Variants in ICA1 observed in about 807,000 individuals in gnomAD.
ICA1 encodes the protein 69 kDa islet cell autoantigen.
ICA1 carries 40 observed loss-of-function variants against 71.0 expected under a neutral mutation model. That is an observed-to-expected ratio of 0.56 (90% CI 0.44 to 0.73). ICA1 has a LOEUF of 0.73. ICA1 is among the 30% of genes least tolerant of loss of function. The probability of loss-of-function intolerance (pLI) is 0.00; values close to 1 mark genes in which losing one functional copy is unlikely to be tolerated. For missense variants in ICA1, 578 were observed against 576.5 expected (o/e 1.00, Z -0.03); for synonymous variants, 207 against 209.5 (o/e 0.99, Z 0.10).
intron 2 of ICA1, among the ~76,000 whole-genome samples, chr7:8,235,547 A>G (rs1381692735): frequency 1.3e-5 from 2 of 152,204 alleles, no homozygotes; most frequent in Non-Finnish European, 2.9e-5. Context: ...TAGCTACCCT[A>G]ACATAAAATT....
chr7:8,170,484 T>A (rs549657343), intron 6 of ICA1, among the ~76,000 whole-genome samples: 1 of 152,014 alleles, frequency 6.6e-6, no homozygotes. Flanking sequence ...TCTCCATTTA[T>A]TGGATTTTTA....
chr7:8,256,315 C>G (rs1478881753), intron 1 of ICA1, among the ~76,000 whole-genome samples: 1 of 152,090 alleles, frequency 6.6e-6, no homozygotes, highest in Non-Finnish European at 1.5e-5. Flanking sequence ...AGAGAAATTC[C>G]AAACATTTTT....
At chr7:8,141,845 C>T (rs770296145) in intron 9 of ICA1, 28 bp from the exon 10 acceptor site, 12 of 1,468,470 alleles carry the variant, frequency 8.2e-6, no homozygotes, top group Non-Finnish European at 1.0e-5. Context: ...GTTTAGTCAT[C>T]AACTTCTACC....
At chr7:8,134,106 C>G (rs1160501212) in intron 12 of ICA1, among the ~76,000 whole-genome samples, 1 of 152,138 alleles carries the variant, frequency 6.6e-6, no homozygotes, top group African/African-American at 2.4e-5. Context: ...TTGAGGGTTT[C>G]TAAGGTCAGA....
intron 1 of ICA1, among the ~76,000 whole-genome samples, chr7:8,252,739 G>A (rs956893149): frequency 6.0e-5 from 9 of 150,284 alleles, no homozygotes; most frequent in African/African-American, 2.2e-4. Flanking sequence ...ATTTACATAT[G>A]TATATTATAT....
At chr7:8,115,964 C>T (rs573475886) in intron 13 of ICA1, among the ~76,000 whole-genome samples, 2 of 152,302 alleles carry the variant, frequency 1.3e-5, no homozygotes, top group Non-Finnish European at 2.9e-5. Context: ...CTTGGTATTT[C>T]CAACCAAACT....
At chr7:8,207,800 G>A (rs1792136805) in intron 6 of ICA1, among the ~76,000 whole-genome samples, 1 of 151,946 alleles carries the variant, frequency 6.6e-6, no homozygotes, top group African/African-American at 2.4e-5. Context: ...ATCTTTTTTT[G>A]CTATTTTAAA....
rs1583577282 is a variant in ICA1 at position 8,234,780 on chromosome 7, C to T, written c.17+1130G>A. ...ATAAAACTTATGTAAAAGATAATCT[C>T]TCTATAGAATATGCACATTAAAAGG... On this transcript the variant is annotated intron_variant, in intron 2 of 13. Coordinates refer to ENST00000402384, the MANE Select transcript of ICA1 (RefSeq NM_001136020.3). The surrounding 1 kb of genome is among the most constrained non-coding windows in gnomAD (Gnocchi z 4.5). Among the ~76,000 whole-genome samples the T allele has an allele frequency of 6.6e-6, 1 of 152,148 alleles. No homozygotes were observed. The highest frequency in any genetic ancestry group is 2.4e-5 in the African/African-American group (1 of 41,436).
chr7:8,141,067 T>A (rs577240023), intron 10 of ICA1, among the ~76,000 whole-genome samples: 9 of 152,290 alleles, frequency 5.9e-5, no homozygotes, highest in African/African-American at 1.9e-4. Context: ...GGAGCTTGAG[T>A]GCCAGTGAAG....
chr7:8,145,764 A>ATATGTATATATATG (rs1554288696), intron 8 of ICA1, among the ~76,000 whole-genome samples: 6 of 136,312 alleles, frequency 4.4e-5, no homozygotes, highest in African/African-American at 1.6e-4. Flanking sequence ...ATATATATAT[A>ATATGTATATATATG]TATGTATATA....
At chr7:8,160,911 A>T (rs1225946529) in intron 6 of ICA1, among the ~76,000 whole-genome samples, 2 of 152,188 alleles carry the variant, frequency 1.3e-5, no homozygotes, top group Non-Finnish European at 2.9e-5. Flanking sequence ...GAAAAAAGAA[A>T]ACCTAATTTC....
At position 8,181,501 on chromosome 7, in the gene ICA1, C is replaced by G. The variant is rs570251846; in HGVS notation, c.580-22849G>C. ...CTATATAAGTTTATAGTCATCTTTACTACTTACTAGCAGGATTTTGAATGG... is the reference window on the plus strand; with the variant it reads ...CTATATAAGTTTATAGTCATCTTTAGTACTTACTAGCAGGATTTTGAATGG... On this transcript the variant is annotated intron_variant, in intron 6 of 13. Coordinates refer to ENST00000402384, the MANE Select transcript of ICA1 (RefSeq NM_001136020.3). Among the ~76,000 whole-genome samples, 9 of 152,256 alleles carry G rather than the reference C, an allele frequency of 5.9e-5. No individual in the cohort carries two copies. In the South Asian group the frequency reaches 1.4e-3, roughly 25 times the overall value.
intron 7 of ICA1, chr7:8,158,262 G>A (rs541344254): frequency 2.3e-4 from 98 of 423,914 alleles, no homozygotes; most frequent in African/African-American, 1.6e-3. Flanking sequence ...GGAAAGGCAC[G>A]GATGGAGGAG....
At chr7:8,186,198 A>G (rs778043441) in intron 6 of ICA1, among the ~76,000 whole-genome samples, 1 of 152,206 alleles carries the variant, frequency 6.6e-6, no homozygotes, top group African/African-American at 2.4e-5. Context: ...ATCCTGGGAT[A>G]CATGGTTTGG....
At chr7:8,142,646 C>T (rs577131354) in intron 9 of ICA1, among the ~76,000 whole-genome samples, 11 of 152,314 alleles carry the variant, frequency 7.2e-5, no homozygotes, top group South Asian at 2.1e-4. Context: ...CTTAACCTTC[C>T]GGAACCTTCC....
chr7:8,170,605 T>A (rs1807957796), intron 6 of ICA1, among the ~76,000 whole-genome samples: 1 of 152,050 alleles, frequency 6.6e-6, no homozygotes, highest in Non-Finnish European at 1.5e-5. Context: ...TTCTAAAAAA[T>A]TCAATTGCTA....
At chr7:8,227,696 C>A in intron 4 of ICA1, 1 of 420,174 alleles carries the variant, frequency 2.4e-6, no homozygotes, top group Non-Finnish European at 4.7e-6. Flanking sequence ...ATCCTCCTGC[C>A]TCAGCCTCCT....
At chr7:8,124,454 GAAA>G (rs573367505) in intron 13 of ICA1, among the ~76,000 whole-genome samples, 3 of 114,570 alleles carry the variant, frequency 2.6e-5, no homozygotes, top group Admixed American at 8.8e-5. Flanking sequence ...TGAATGCAGT[GAAA>G]AAAAAAAAAA....
intron 6 of ICA1, among the ~76,000 whole-genome samples, chr7:8,161,314 T>C (rs1562763273): frequency 6.6e-6 from 1 of 152,030 alleles, no homozygotes; most frequent in Non-Finnish European, 1.5e-5. Flanking sequence ...ATTAAAAACA[T>C]AGAACTAAGA....
Sources: gnomAD v4.1 joint callset for allele counts (sites outside exome capture counted in the v4.1 genomes callset) on GRCh38, gnomAD v4.1.1 for gene constraint, Gnocchi (gnomAD v3.1) non-coding constraint, MANE v1.5 for transcripts, NCBI Gene and HGNC (gene_info 2026-07-23, HGNC 2026-07-21) for gene names.